Variants in TMEM178B observed in about 807,000 individuals in gnomAD.
TMEM178B encodes transmembrane protein 178B.
A neutral mutation model predicts 31.0 loss-of-function variants in TMEM178B; 5 were observed. The ratio of observed to expected loss-of-function variants is 0.16; its 90% CI spans 0.08 to 0.34. The LOEUF (loss-of-function observed/expected upper bound fraction) is 0.34. Among genes scored for constraint, TMEM178B ranks in the 10% least tolerant of loss-of-function variants. The pLI, the probability that TMEM178B is intolerant of heterozygous loss-of-function variation, is 1.00. For missense variants in TMEM178B, 275 were observed against 400.3 expected, an observed-to-expected ratio of 0.69 and a Z score of 2.67; for synonymous variants, 164 against 164.0, an observed-to-expected ratio of 1.00 and a Z score of 0.00.
In TMEM178B at chr7:141,174,540, GT is replaced by G. The variant is rs1485885277; in HGVS notation, c.383-38047del. On this transcript the variant is annotated intron_variant, in intron 1 of 3. Coordinates refer to ENST00000565468, the MANE Select transcript of TMEM178B (RefSeq NM_001195278.2). The stretch of plus-strand genomic sequence containing the variant: ...TAGATCCTTGAGGAATCACCACACT[GT>G]TTTCCACAATGGTTGAACTAATTTA... Among the ~76,000 whole-genome samples the G allele has an allele frequency of 2.6e-5, 4 of 152,270 alleles. No homozygotes were observed. The East Asian group carries it at 7.7e-4, about 29-fold the overall frequency.
chr7:141,453,706 G>A (rs192048674), intron 3 of TMEM178B, among the ~76,000 whole-genome samples: 9 of 152,300 alleles, frequency 5.9e-5, no homozygotes, highest in African/African-American at 1.2e-4. Context: ...GGAATGCCCC[G>A]TTCTTCTCAT....
chr7:141,476,479 T>C lies in TMEM178B; in HGVS notation c.*5693T>C, dbSNP rs775256781. The C allele has an allele frequency of 1.3e-5, 2 of 152,148 alleles. No homozygotes were observed. The highest frequency in any genetic ancestry group is 2.9e-5 in the Non-Finnish European group (2 of 68,028). 9.4% of individuals were successfully genotyped at this position (152,148 alleles called of 1,614,324 possible). A position where few individuals can be genotyped will look rare whatever the true frequency, so the allele number is the denominator to read the frequency against. On this transcript the variant is annotated 3_prime_UTR_variant, in exon 4 of 4. Coordinates refer to ENST00000565468, the MANE Select transcript of TMEM178B (RefSeq NM_001195278.2). ...ATTCTCCTAACGTTATTTCTAGCTG[T>C]ACATTCCCAAAAGGAATGGGTGGAA...
At chr7:141,291,430 G>C (rs531115198) in intron 2 of TMEM178B, among the ~76,000 whole-genome samples, 13 of 152,198 alleles carry the variant, frequency 8.5e-5, no homozygotes, top group Non-Finnish European at 7.3e-5. Flanking sequence ...TGGAAGGAAA[G>C]CTGGGCAGTA....
chr7:141,313,265 T>C (rs1168282630), intron 2 of TMEM178B, among the ~76,000 whole-genome samples: 3 of 152,188 alleles, frequency 2.0e-5, no homozygotes, highest in Non-Finnish European at 4.4e-5. Flanking sequence ...CCATGACTCC[T>C]TCTGTCCATG....
In TMEM178B at chr7:141,464,077, C is replaced by T. The variant is rs148451080; in HGVS notation, c.635-6459C>T. On this transcript the variant is annotated intron_variant, in intron 3 of 3. Transcript: ENST00000565468. ...GGAAGCATGACTCAGAGGGTAGCAGCGAGCCTTTCAGAAGTTAGAGGCATA... is the reference window on the plus strand; with the variant it reads ...GGAAGCATGACTCAGAGGGTAGCAGTGAGCCTTTCAGAAGTTAGAGGCATA... Among the ~76,000 whole-genome samples, 839 of 152,232 alleles carry T rather than the reference C, an allele frequency of 5.5e-3. 10 individuals carry two copies. The highest frequency in any genetic ancestry group is 0.02 in the African/African-American group (812 of 41,524).
chr7:141,221,625 G>T (rs1797258466), intron 2 of TMEM178B, among the ~76,000 whole-genome samples: 1 of 152,202 alleles, frequency 6.6e-6, no homozygotes, highest in African/African-American at 2.4e-5. Context: ...AAGAACCAGG[G>T]CACACAAGGC....
chr7:141,198,204 G>A (rs1227927041), intron 1 of TMEM178B, among the ~76,000 whole-genome samples: 1 of 152,170 alleles, frequency 6.6e-6, no homozygotes, highest in East Asian at 1.9e-4. Flanking sequence ...CATCTGTGTG[G>A]CTGTTTGAAT....
chr7:141,449,942 C>T lies in TMEM178B; in HGVS notation c.634+12197C>T, dbSNP rs143073235. On this transcript the variant is annotated intron_variant, in intron 3 of 3. Coordinates refer to ENST00000565468, the MANE Select transcript of TMEM178B (RefSeq NM_001195278.2). The stretch of plus-strand genomic sequence containing the variant: ...CTGGAGAGGATCTATGAACATAGTG[C>T]CTGAGCTGTAAATGAATTCTGCTCT... Among the ~76,000 whole-genome samples, 851 of 152,310 alleles carry T rather than the reference C, an allele frequency of 5.6e-3. 6 individuals are homozygous for T. Among genetic ancestry groups the T allele is most frequent in the Non-Finnish European group, 7.9e-3 (537 of 68,030 alleles).
intron 3 of TMEM178B, among the ~76,000 whole-genome samples, chr7:141,469,315 A>C (rs1802198317): frequency 6.6e-6 from 1 of 152,204 alleles, no homozygotes; most frequent in Non-Finnish European, 1.5e-5. Flanking sequence ...ATAGCACTTA[A>C]TACTTATTTT....
At chr7:141,312,088 T>TA (rs1245238404) in intron 2 of TMEM178B, among the ~76,000 whole-genome samples, 1 of 152,230 alleles carries the variant, frequency 6.6e-6, no homozygotes, top group African/African-American at 2.4e-5. Flanking sequence ...TGGGTGGTCT[T>TA]ACTTATTCTC....
At chr7:141,436,078 G>A (rs1158122606) in intron 2 of TMEM178B, among the ~76,000 whole-genome samples, 1 of 152,184 alleles carries the variant, frequency 6.6e-6, no homozygotes. Flanking sequence ...GACAAGAAGG[G>A]TGGTCTGGAT....
intron 2 of TMEM178B, among the ~76,000 whole-genome samples, chr7:141,327,970 G>A (rs1030605622): frequency 6.6e-6 from 1 of 152,146 alleles, no homozygotes; most frequent in Non-Finnish European, 1.5e-5. Flanking sequence ...ATGCATTCCA[G>A]GCACAGACCC....
chr7:141,090,198 A>G (rs1287580472), intron 1 of TMEM178B, among the ~76,000 whole-genome samples: 4 of 152,058 alleles, frequency 2.6e-5, no homozygotes, highest in Admixed American at 6.6e-5. Context: ...AAAAAATTTA[A>G]TTTTAGAGAC....
downstream of TMEM178B, among the ~76,000 whole-genome samples, chr7:141,483,919 A>G (rs941100605): frequency 5.3e-5 from 8 of 152,162 alleles, no homozygotes; most frequent in African/African-American, 1.4e-4. Flanking sequence ...TATTCTTAGT[A>G]GAAACAGGGT....
intron 2 of TMEM178B, among the ~76,000 whole-genome samples, chr7:141,337,596 A>G (rs893956785): frequency 6.6e-6 from 1 of 152,226 alleles, no homozygotes; most frequent in Admixed American, 6.5e-5. Flanking sequence ...CCAAGGTCAT[A>G]GAGTTAATAA....
chr7:141,470,758 C>G lies in TMEM178B; in HGVS notation c.857C>G (p.Ser286Cys). Residue 286 changes from serine to cysteine, a missense_variant, in exon 4 of 4, where the codon TCC (serine) becomes TGC (cysteine). Physicochemically the swap from Ser to Cys is moderately radical, Grantham distance 112. Coordinates refer to ENST00000565468, the MANE Select transcript of TMEM178B (RefSeq NM_001195278.2). ...GTCCCGAGGACCAACTACCCTAAAT[C>G]CAGACCCGAGAATGGGACAGTGTGC... ...QPVPRTNYPK[S>C]RPENGTVC is the part of the protein sequence containing the mutation. 6.6e-7 allele frequency: 1 copy of G among 1,526,480 alleles called. No individual in the cohort carries two copies. The highest frequency in any genetic ancestry group is 8.8e-7 in the Non-Finnish European group (1 of 1,142,636). The allele number at this position is 1,526,480 out of a possible 1,614,324, so 94.6% of individuals were successfully genotyped here.
chr7:141,363,677 C>A (rs1270970216), intron 2 of TMEM178B, among the ~76,000 whole-genome samples: 1 of 152,088 alleles, frequency 6.6e-6, no homozygotes, highest in Non-Finnish European at 1.5e-5. Flanking sequence ...ACAGAGAGTT[C>A]TGTGGAAGTT....
At chr7:141,328,211 G>A (rs1052083313) in intron 2 of TMEM178B, among the ~76,000 whole-genome samples, 3 of 152,166 alleles carry the variant, frequency 2.0e-5, no homozygotes, top group South Asian at 2.1e-4. Flanking sequence ...CACAGACCCC[G>A]TTATTGTGAC....
chr7:141,323,407 AC>A (rs1799134868), intron 2 of TMEM178B, among the ~76,000 whole-genome samples: 1 of 152,222 alleles, frequency 6.6e-6, no homozygotes, highest in African/African-American at 2.4e-5. Flanking sequence ...GGGGTGACAT[AC>A]CTGCTGTTTT....
Sources: gnomAD v4.1 joint callset for allele counts (sites outside exome capture counted in the v4.1 genomes callset) on GRCh38, gnomAD v4.1.1 for gene constraint, MANE v1.5 for transcripts, NCBI Gene and HGNC (gene_info 2026-07-23, HGNC 2026-07-21) for gene names.